The following MPPED1 variants were observed in gnomAD, a reference collection of about 807,000 sequenced individuals.
MPPED1 encodes metallophosphoesterase domain containing 1.
Under a neutral mutation model 36.2 loss-of-function variants are expected in MPPED1, and 16 were observed. The observed-to-expected ratio is 0.44, with a 90% CI of 0.30 to 0.67. MPPED1 has a LOEUF of 0.67. Ranked by LOEUF, MPPED1 falls within the 30% of genes least tolerant of loss-of-function variation. The pLI is 0.10. For missense variants in MPPED1, 307 were observed against 453.4 expected (o/e 0.68, Z 2.93); for synonymous variants, 199 against 191.3 (o/e 1.04, Z -0.33).
At chr22:43,499,697 G>GGT (rs1489995921) in intron 5 of MPPED1, among the ~76,000 whole-genome samples, 6 of 137,036 alleles carry the variant, frequency 4.4e-5, no homozygotes, top group African/African-American at 1.7e-4. Context: ...TGGTGGTGGT[G>GGT]GAGGTGATGA....
At chr22:43,478,188 A>T (rs951319965) in intron 4 of MPPED1, among the ~76,000 whole-genome samples, 8 of 152,222 alleles carry the variant, frequency 5.3e-5, no homozygotes, top group African/African-American at 1.7e-4. Flanking sequence ...GAGGCCATTC[A>T]GTGGCCTTTT....
intron 4 of MPPED1, among the ~76,000 whole-genome samples, chr22:43,479,973 C>T (rs2081912625): frequency 6.6e-6 from 1 of 152,084 alleles, no homozygotes; most frequent in African/African-American, 2.4e-5. Flanking sequence ...AGTGATCCCC[C>T]CACCTCAGCC....
chr22:43,497,918 GATATATATATGTATATGTAT>G (rs1288260229), intron 4 of MPPED1, among the ~76,000 whole-genome samples: 14 of 46,106 alleles, frequency 3.0e-4, no homozygotes, highest in African/African-American at 1.8e-3. Flanking sequence ...GGAAGAAGCT[GATATATATATGTATATGTAT>G]ATATATATAT....
intron 3 of MPPED1, among the ~76,000 whole-genome samples, chr22:43,444,862 T>C (rs1438263961): frequency 6.6e-6 from 1 of 152,208 alleles, no homozygotes; most frequent in Admixed American, 6.5e-5. Flanking sequence ...ATATCTCATT[T>C]TGTGTCAAAG....
chr22:43,494,795 G>T (rs142047911), intron 4 of MPPED1, among the ~76,000 whole-genome samples: 2 of 151,822 alleles, frequency 1.3e-5, no homozygotes, highest in African/African-American at 4.8e-5. Flanking sequence ...CTAAACAACA[G>T]AAGTGTGTTT....
chr22:43,456,136 T>G (rs1238731129), intron 3 of MPPED1, among the ~76,000 whole-genome samples: 1 of 152,226 alleles, frequency 6.6e-6, no homozygotes, highest in East Asian at 1.9e-4. Context: ...CTTTTATTTC[T>G]TTTTCATGCT....
intron 2 of MPPED1, among the ~76,000 whole-genome samples, chr22:43,426,109 T>C (rs1158481411): frequency 6.6e-6 from 1 of 152,140 alleles, no homozygotes; most frequent in East Asian, 1.9e-4. Context: ...GCTTACCTGG[T>C]GAGGAACCAG....
At chr22:43,475,141 T>C (rs1931503552) in intron 4 of MPPED1, among the ~76,000 whole-genome samples, 180 bp downstream of exon 4, 1 of 152,112 alleles carries the variant, frequency 6.6e-6, no homozygotes, top group African/African-American at 2.4e-5. Flanking sequence ...GGGCCTGTTT[T>C]CCCACATCTC....
chr22:43,443,920 C>T (rs549164695), intron 3 of MPPED1, among the ~76,000 whole-genome samples: 68 of 152,232 alleles, frequency 4.5e-4, no homozygotes, highest in Middle Eastern at 6.8e-3. Context: ...TGGTTGCGTA[C>T]GCACATGGCC....
intron 1 of MPPED1, chr22:43,418,199 C>A (rs925700849): frequency 2.2e-5 from 10 of 455,868 alleles, no homozygotes; most frequent in Non-Finnish European, 4.4e-5. Context: ...AGAGCACTTT[C>A]GAGAGCCGGA....
At position 43,424,815 on chromosome 22, in the gene MPPED1, C is replaced by G; in HGVS notation, c.-78-93C>G. On this transcript the variant is annotated intron_variant, in intron 1 of 6. Coordinates refer to ENST00000443721, the MANE Select transcript of MPPED1 (RefSeq NM_001044370.2). Reference sequence around the variant, plus strand: ...ACTGTGTTTTTTTTTCCTCTCCCCCCGCCCTCTCCCTCTTTCTAAATCTTC... The same window carrying G: ...ACTGTGTTTTTTTTTCCTCTCCCCCGGCCCTCTCCCTCTTTCTAAATCTTC... 37 of 1,421,408 alleles carry G rather than the reference C, an allele frequency of 2.6e-5. 2 individuals carry two copies. The South Asian group carries it at 4.7e-4, about 18-fold the overall frequency. The allele number at this position is 1,421,408 out of a possible 1,614,324, so 88.0% of individuals were successfully genotyped here.
chr22:43,454,912 T>A (rs1930699787), intron 3 of MPPED1, among the ~76,000 whole-genome samples: 1 of 152,202 alleles, frequency 6.6e-6, no homozygotes, highest in Admixed American at 6.5e-5. Flanking sequence ...ACTGTGTTGG[T>A]TTGATAGGGC....
chr22:43,436,609 C>T lies in MPPED1; in HGVS notation c.406+1394C>T, dbSNP rs187440221. On this transcript the variant is annotated intron_variant, in intron 3 of 6. Transcript: ENST00000443721. ...TTCTCTGGGATTCTCCCCTTGCCCA[C>T]ACTGGCTCCAGTTCTGGGCTGCCTC... Among the ~76,000 whole-genome samples, 132 of 152,398 alleles carry T rather than the reference C, an allele frequency of 8.7e-4. 2 individuals are homozygous for T. The highest frequency in any genetic ancestry group is 3.1e-3 in the African/African-American group (127 of 41,600).
chr22:43,417,140 C>A, intron 1 of MPPED1: 1 of 429,278 alleles, frequency 2.3e-6, no homozygotes, highest in Non-Finnish European at 3.1e-6. Flanking sequence ...AGTCATAATT[C>A]AAAATGGGCC....
At chr22:43,419,740 G>T (rs1054103411) in intron 1 of MPPED1, among the ~76,000 whole-genome samples, 1 of 151,604 alleles carries the variant, frequency 6.6e-6, no homozygotes. Flanking sequence ...AAGTTTGGGG[G>T]TGGGGGGTGG....
At chr22:43,426,288 C>T (rs1005478890) in intron 2 of MPPED1, among the ~76,000 whole-genome samples, 1 of 151,998 alleles carries the variant, frequency 6.6e-6, no homozygotes, top group Non-Finnish European at 1.5e-5. Context: ...GCCATTGTCC[C>T]CTTGGCTGTT....
intron 5 of MPPED1, among the ~76,000 whole-genome samples, chr22:43,500,265 GT>G (rs1932658635): frequency 7.0e-6 from 1 of 142,558 alleles, no homozygotes; most frequent in African/African-American, 2.8e-5. Context: ...GGTGGTGATG[GT>G]GATGGAGGTG....
chr22:43,492,289 C>T (rs1171365091), intron 4 of MPPED1, among the ~76,000 whole-genome samples: 2 of 151,902 alleles, frequency 1.3e-5, no homozygotes, highest in Non-Finnish European at 2.9e-5. Flanking sequence ...ACCATTGTAA[C>T]CTAGGTCTAA....
intron 2 of MPPED1, among the ~76,000 whole-genome samples, chr22:43,431,060 T>C (rs1204218142): frequency 1.1e-5 from 1 of 90,004 alleles, no homozygotes; most frequent in Non-Finnish European, 2.1e-5. Flanking sequence ...TTTTTTTTTT[T>C]AGACAGAGTC....
Sources: allele counts gnomAD v4.1 joint callset (sites outside exome capture counted in the v4.1 genomes callset), GRCh38; gene constraint gnomAD v4.1.1; transcripts MANE v1.5; gene names NCBI Gene and HGNC (gene_info 2026-07-23, HGNC 2026-07-21).